The following ADGRE3 variants were observed in gnomAD, a reference collection of about 807,000 sequenced individuals.
ADGRE3 encodes the protein EGF-like module receptor 3.
Under a neutral mutation model 80.1 loss-of-function variants are expected in ADGRE3, and 88 were observed. That is an observed-to-expected ratio of 1.10 (90% CI 0.93 to 1.31). The LOEUF (loss-of-function observed/expected upper bound fraction) is 1.31, where lower values mean the gene tolerates loss of function less well. Ranked by LOEUF, ADGRE3 falls within the 40% of genes most tolerant of loss-of-function variation. The pLI, the probability that ADGRE3 is intolerant of heterozygous loss-of-function variation, is 0.00. For missense variants in ADGRE3, 715 were observed against 776.5 expected (o/e 0.92, Z 0.94); for synonymous variants, 281 against 294.8 (o/e 0.95, Z 0.48).
intron 7 of ADGRE3, 104 bp downstream of exon 7, chr19:14,650,981 G>C: frequency 8.2e-7 from 1 of 1,221,408 alleles, no homozygotes; most frequent in Non-Finnish European, 1.2e-6. Flanking sequence ...GTAGTTTGAG[G>C]GTAAAAAGCC....
intron 15 of ADGRE3, among the ~76,000 whole-genome samples, chr19:14,620,568 A>ATATATATATATTTTT (rs1435435269): frequency 1.8e-4 from 2 of 11,050 alleles, no homozygotes; most frequent in Non-Finnish European, 1.5e-4. Context: ...ATATATATAT[A>ATATATATATATTTTT]TTTTTTTTTT....
chr19:14,636,019 T>TCCTTCCTTCCTTCCTC (rs1971036538), intron 11 of ADGRE3, among the ~76,000 whole-genome samples: 1 of 46,058 alleles, frequency 2.2e-5, no homozygotes, highest in African/African-American at 6.0e-5. Context: ...CTTTCTTCCT[T>TCCTTCCTTCCTTCCTC]CCTTCCTTCC....
chr19:14,653,769 G>A lies in ADGRE3; in HGVS notation c.577+1213C>T, dbSNP rs964102882. Among the ~76,000 whole-genome samples the A allele has an allele frequency of 4.6e-5, 7 of 151,972 alleles. No individual in the cohort carries two copies. In the East Asian group the frequency reaches 1.4e-3, roughly 30 times the overall value. ...ATCCTCATTTTATTGACAGGAGAAT[G>A]AAGCCCAATGAGGTGAGGGCACTGG... On this transcript the variant is annotated intron_variant, in intron 6 of 15. Transcript: ENST00000253673.
At chr19:14,602,312 C>T in the ADGRE3 span, among the ~76,000 whole-genome samples, 1 of 150,274 alleles carries the variant, frequency 6.7e-6, no homozygotes, top group Non-Finnish European at 1.5e-5. Flanking sequence ...TTTTTGGAGA[C>T]AGGGTCTCAC....
chr19:14,645,013 G>T (rs1217139092), intron 8 of ADGRE3, among the ~76,000 whole-genome samples: 1 of 152,034 alleles, frequency 6.6e-6, no homozygotes, highest in South Asian at 2.1e-4. Context: ...GGCATGAGCC[G>T]CTGTACCTGA....
downstream of ADGRE3, among the ~76,000 whole-genome samples, chr19:14,617,341 C>CCTTTCTTTTT (rs2075083332): frequency 2.8e-4 from 16 of 57,264 alleles, no homozygotes; most frequent in Middle Eastern, 0.017. Flanking sequence ...TCCCTCCCTC[C>CCTTTCTTTTT]CTTTCTTTCT....
At chr19:14,618,467 T>C (rs2146782780), downstream of ADGRE3, among the ~76,000 whole-genome samples, 2 of 152,084 alleles carry the variant, frequency 1.3e-5, no homozygotes, top group African/African-American at 4.8e-5. Context: ...GGCAGGAGAA[T>C]TGCTTGAACC....
intron 2 of ADGRE3, among the ~76,000 whole-genome samples, chr19:14,664,788 T>A (rs1972046284): frequency 6.6e-6 from 1 of 152,004 alleles, no homozygotes. Context: ...GTTAAGGTAT[T>A]TTTTCTTTAG....
intron 15 of ADGRE3, among the ~76,000 whole-genome samples, chr19:14,620,843 A>C (rs1262010930): frequency 6.6e-6 from 1 of 151,262 alleles, no homozygotes; most frequent in Non-Finnish European, 1.5e-5. Context: ...CCAAAGATAC[A>C]CTCATATTAT....
At chr19:14,637,876 G>T (rs1158125974) in intron 11 of ADGRE3, among the ~76,000 whole-genome samples, 1 of 151,928 alleles carries the variant, frequency 6.6e-6, no homozygotes, top group East Asian at 1.9e-4. Flanking sequence ...TGGTGGATTG[G>T]TACGTTACTG....
the ADGRE3 span, among the ~76,000 whole-genome samples, chr19:14,609,177 A>G: frequency 6.6e-6 from 1 of 152,260 alleles, no homozygotes; most frequent in East Asian, 1.9e-4. Flanking sequence ...CTGCTCACCT[A>G]AGACACTACC....
rs66908687 is a variant in ADGRE3 at position 14,659,822 on chromosome 19, G to GAAA, written c.356-1275_356-1273dup. 3.1e-4 allele frequency among the ~76,000 whole-genome samples: 14 copies of GAAA among 44,812 alleles called. 2 individuals carry two copies. The highest frequency in any genetic ancestry group is 6.2e-4 in the African/African-American group (7 of 11,218). 29.4% of individuals were successfully genotyped at this position (44,812 alleles called of 152,430 possible). Reference sequence around the variant, plus strand: ...GGAGACAGAGCGAGACTCTGCCTCTGAAAAAAAAAAAAAAAAAAAAAAAAA... The same window carrying GAAA: ...GGAGACAGAGCGAGACTCTGCCTCTGAAAAAAAAAAAAAAAAAAAAAAAAAAAA... On this transcript the variant is annotated intron_variant, in intron 4 of 15. Coordinates refer to ENST00000253673, the MANE Select transcript of ADGRE3 (RefSeq NM_032571.5).
chr19:14,652,713 G>A lies in ADGRE3; in HGVS notation c.578-1509C>T, dbSNP rs575359186. Among the ~76,000 whole-genome samples, 4 of 150,180 alleles carry A rather than the reference G, an allele frequency of 2.7e-5. 1 individual carries two copies. The highest frequency in any genetic ancestry group is 2.1e-4 in the South Asian group (1 of 4,758). On this transcript the variant is annotated intron_variant, in intron 6 of 15. Transcript: ENST00000253673. Reference sequence around the variant, plus strand: ...GAATTGCTTGAACCCAGGAGGCAGAGGTTGCAGTGACCTAGATCATGCCAC... The same window carrying A: ...GAATTGCTTGAACCCAGGAGGCAGAAGTTGCAGTGACCTAGATCATGCCAC...
At chr19:14,648,706 C>G (rs974722188) in intron 7 of ADGRE3, among the ~76,000 whole-genome samples, 15 of 152,094 alleles carry the variant, frequency 9.9e-5, no homozygotes, top group Non-Finnish European at 2.1e-4. Context: ...GTGGGTGGGC[C>G]TTATCCAATC....
At chr19:14,617,316 CCTTG>C (rs200454883), downstream of ADGRE3, among the ~76,000 whole-genome samples, 26,547 of 126,098 alleles carry the variant, frequency 0.21, 3,443 homozygotes, top group East Asian at 0.42. Flanking sequence ...TCTCTCTTCC[CCTTG>C]CTTCCCTCCC....
intron 4 of ADGRE3, among the ~76,000 whole-genome samples, chr19:14,661,499 A>G (rs1971942920): frequency 6.6e-6 from 1 of 152,184 alleles, no homozygotes; most frequent in African/African-American, 2.4e-5. Context: ...TGCAATTCAA[A>G]GAATGTGGTC....
At chr19:14,608,234 CTCCTGAGAA>C in the ADGRE3 span, among the ~76,000 whole-genome samples, 1 of 152,180 alleles carries the variant, frequency 6.6e-6, no homozygotes, top group East Asian at 1.9e-4. Flanking sequence ...TGCCTTAAAT[CTCCTGAGAA>C]TCCTTCTGCT....
intron 10 of ADGRE3, among the ~76,000 whole-genome samples, chr19:14,639,098 C>T (rs892597331): frequency 2.0e-5 from 3 of 152,016 alleles, no homozygotes; most frequent in South Asian, 2.1e-4. Flanking sequence ...CACTGTGTTG[C>T]CCAGGCCAGT....
chr19:14,651,286 A>T, intron 6 of ADGRE3, 82 bp from the exon 7 acceptor site: 1 of 1,475,206 alleles, frequency 6.8e-7, no homozygotes, highest in East Asian at 2.3e-5. Context: ...ATGGTGGTGC[A>T]TGCCTGTAGT....
Sources: allele counts gnomAD v4.1 joint callset (sites outside exome capture counted in the v4.1 genomes callset), GRCh38; gene constraint gnomAD v4.1.1; transcripts MANE v1.5; gene names NCBI Gene and HGNC (gene_info 2026-07-23, HGNC 2026-07-21).